NLGN1: variants seen among roughly 807,000 people sequenced by gnomAD.
NLGN1 encodes the protein neuroligin-1.
NLGN1 carries 12 observed loss-of-function variants against 65.5 expected under a neutral mutation model. The observed-to-expected ratio is 0.18, with a 90% confidence interval of 0.12 to 0.30. The LOEUF is 0.30. NLGN1 is among the 10% of genes least tolerant of loss of function. The pLI is 1.00. For synonymous variants in NLGN1, 350 were observed against 359.5 expected (o/e 0.97, Z 0.30); for missense variants, 750 against 1,007.1 (o/e 0.74, Z 3.46).
intron 2 of NLGN1, among the ~76,000 whole-genome samples, chr3:173,529,064 A>C (rs1314235451): frequency 6.6e-6 from 1 of 152,138 alleles, no homozygotes; most frequent in Non-Finnish European, 1.5e-5. Context: ...GGAAGCTGAC[A>C]CTTCTTGCTT....
chr3:174,052,018 G>T (rs1038569859), intron 4 of NLGN1, among the ~76,000 whole-genome samples: 1 of 152,118 alleles, frequency 6.6e-6, no homozygotes, highest in African/African-American at 2.4e-5. Flanking sequence ...TTATTCATGT[G>T]GCATAATCGG....
At chr3:174,060,722 CGA>C (rs1737212768) in intron 4 of NLGN1, among the ~76,000 whole-genome samples, 1 of 152,006 alleles carries the variant, frequency 6.6e-6, no homozygotes, top group African/African-American at 2.4e-5. Context: ...AATGAGATTT[CGA>C]GGTGCTTTTT....
intron 3 of NLGN1, among the ~76,000 whole-genome samples, chr3:173,696,090 G>A (rs1477525878): frequency 2.6e-5 from 4 of 152,204 alleles, no homozygotes; most frequent in Non-Finnish European, 1.5e-5. Flanking sequence ...AAGATTACAA[G>A]TGTGAACCAC....
chr3:173,451,092 C>G (rs949291083), intron 2 of NLGN1, among the ~76,000 whole-genome samples: 9 of 152,148 alleles, frequency 5.9e-5, no homozygotes, highest in African/African-American at 2.2e-4. Flanking sequence ...TAGCTTTGTT[C>G]CATTGCTGGT....
chr3:173,872,417 T>G (rs1434944391), intron 4 of NLGN1, among the ~76,000 whole-genome samples: 1 of 152,214 alleles, frequency 6.6e-6, no homozygotes, highest in East Asian at 1.9e-4. Flanking sequence ...ATGTTCCCTG[T>G]TTTTCTTCAG....
At chr3:173,704,913 G>T (rs1470255615) in intron 3 of NLGN1, among the ~76,000 whole-genome samples, 1 of 152,042 alleles carries the variant, frequency 6.6e-6, no homozygotes, top group Non-Finnish European at 1.5e-5. Flanking sequence ...TGTTAGCCAG[G>T]TACCATTTTC....
At position 173,419,020 on chromosome 3, in the gene NLGN1, C is replaced by CTTTTT. The variant is rs59051811; in HGVS notation, c.-389-15960_-389-15956dup. Among the ~76,000 whole-genome samples, 20 of 12,262 alleles carry CTTTTT rather than the reference C, an allele frequency of 1.6e-3. 1 individual carries two copies. Among genetic ancestry groups the CTTTTT allele is most frequent in the East Asian group, 8.1e-3 (2 of 248 alleles). The allele number at this position is 12,262 out of a possible 152,430, so 8.0% of individuals were successfully genotyped here. The stretch of plus-strand genomic sequence containing the variant: ...TCTGTTCTTTAGCTTTCTTCTTCTT[C>CTTTTT]TTTTTTTTTTTTTTTTTTTTTTTTT... On this transcript the variant is annotated intron_variant, in intron 1 of 6. Transcript: ENST00000457714.
intron 4 of NLGN1, among the ~76,000 whole-genome samples, chr3:174,182,486 G>C (rs1730628951): frequency 6.6e-6 from 1 of 152,114 alleles, no homozygotes; most frequent in African/African-American, 2.4e-5. Flanking sequence ...GCTTCTCAAA[G>C]TACATGATGC....
rs568131085 is a variant in NLGN1, at chr3:174,185,642, A to G, written c.647-89673A>G. The stretch of plus-strand genomic sequence containing the variant: ...GCCAAATATGAATGAATCTTAGTAT[A>G]TAGTTGACAAAGTAATGAATATAAA... On this transcript the variant is annotated intron_variant, in intron 4 of 6. Transcript: ENST00000457714. Among the ~76,000 whole-genome samples, 5 of 152,234 alleles carry G rather than the reference A, an allele frequency of 3.3e-5. No homozygotes were observed. The East Asian group carries it at 9.6e-4, about 29-fold the overall frequency.
chr3:173,949,513 C>G (rs1433829677), intron 4 of NLGN1, among the ~76,000 whole-genome samples: 1 of 152,076 alleles, frequency 6.6e-6, no homozygotes, highest in Non-Finnish European at 1.5e-5. Flanking sequence ...TTTATAGACT[C>G]TGGGGTAAAA....
At chr3:173,718,951 A>AGTTGAAAGGAACTAACAT (rs761223986) in intron 3 of NLGN1, among the ~76,000 whole-genome samples, 9 of 152,174 alleles carry the variant, frequency 5.9e-5, no homozygotes, top group Admixed American at 3.3e-4. Flanking sequence ...GCTGAGCTAT[A>AGTTGAAAGGAACTAACAT]GTTGAAAGGA....
At chr3:173,677,942 C>T (rs888248812) in intron 3 of NLGN1, among the ~76,000 whole-genome samples, 7 of 152,096 alleles carry the variant, frequency 4.6e-5, no homozygotes, top group South Asian at 2.1e-4. Flanking sequence ...GACACCATGA[C>T]GTAGTGTCAT....
chr3:173,745,360 G>C (rs1012589359), intron 3 of NLGN1, among the ~76,000 whole-genome samples: 3 of 152,006 alleles, frequency 2.0e-5, no homozygotes, highest in African/African-American at 7.2e-5. Context: ...TAAAGTAGTA[G>C]ATCCTTGGAG....
chr3:173,547,814 A>T (rs2149254033), intron 2 of NLGN1, among the ~76,000 whole-genome samples: 1 of 152,198 alleles, frequency 6.6e-6, no homozygotes, highest in South Asian at 2.1e-4. Context: ...AGGTGGTCTG[A>T]TTACAATTCT....
At chr3:173,593,206 A>G (rs1386722646) in intron 2 of NLGN1, among the ~76,000 whole-genome samples, 1 of 152,100 alleles carries the variant, frequency 6.6e-6, no homozygotes, top group African/African-American at 2.4e-5. Context: ...ATCTTCCCCC[A>G]TTGAACTTCA....
chr3:173,840,792 C>T (rs1323016643), intron 4 of NLGN1, among the ~76,000 whole-genome samples: 1 of 152,126 alleles, frequency 6.6e-6, no homozygotes, highest in African/African-American at 2.4e-5. Flanking sequence ...TAGTTATTAT[C>T]TACCACTATT....
intron 4 of NLGN1, among the ~76,000 whole-genome samples, chr3:173,876,866 T>C (rs1315270193): frequency 6.6e-6 from 1 of 152,114 alleles, no homozygotes; most frequent in Non-Finnish European, 1.5e-5. Context: ...TGCATAAATG[T>C]CATGGAAGTG....
intron 3 of NLGN1, among the ~76,000 whole-genome samples, chr3:173,692,810 A>T (rs1765667208): frequency 6.6e-6 from 1 of 152,108 alleles, no homozygotes; most frequent in Non-Finnish European, 1.5e-5. Flanking sequence ...AGAATACATC[A>T]TGAGAATAGT....
chr3:173,497,758 A>G (rs534927150), intron 2 of NLGN1, among the ~76,000 whole-genome samples: 2 of 151,974 alleles, frequency 1.3e-5, no homozygotes, highest in African/African-American at 4.8e-5. Flanking sequence ...TAGAAAAAAA[A>G]TCAATATTCA....
Sources: allele counts gnomAD v4.1 joint callset (sites outside exome capture counted in the v4.1 genomes callset), GRCh38; gene constraint gnomAD v4.1.1; transcripts MANE v1.5; gene names NCBI Gene and HGNC (gene_info 2026-07-23, HGNC 2026-07-21).